CLSPN: variants seen among roughly 807,000 people sequenced by gnomAD.
The protein encoded by CLSPN is claspin homolog.
In CLSPN, 85 loss-of-function variants were observed where a neutral mutation model predicts 156.3. The observed-to-expected ratio is 0.54, with a 90% CI of 0.46 to 0.65. The LOEUF is 0.65. Ranked by LOEUF, CLSPN falls within the 30% of genes least tolerant of loss-of-function variation. The pLI is 0.00. For missense variants in CLSPN, 1,407 were observed against 1,554.9 expected, an observed-to-expected ratio of 0.90 and a Z score of 1.60; for synonymous variants, 534 against 542.4, an observed-to-expected ratio of 0.98 and a Z score of 0.22.
At chr1:35,763,134 T>C in intron 4 of CLSPN, 26 bp downstream of exon 4, 1 of 1,518,474 alleles carries the variant, frequency 6.6e-7, no homozygotes, top group Non-Finnish European at 8.8e-7. Context: ...GTTGATTAAC[T>C]CTTATTGCAA....
chr1:35,722,237 A>G (rs894172877), intron 24 of CLSPN, among the ~76,000 whole-genome samples: 1 of 150,780 alleles, frequency 6.6e-6, no homozygotes, highest in Non-Finnish European at 1.5e-5. Context: ...CCATTGTTCT[A>G]AAAAGCTAGT....
intron 24 of CLSPN, among the ~76,000 whole-genome samples, chr1:35,723,695 A>G: frequency 6.6e-6 from 1 of 152,272 alleles, no homozygotes; most frequent in African/African-American, 2.4e-5. Context: ...CCTTGTTTAG[A>G]AAGGGAAACA....
chr1:35,723,757 G>A (rs751100260), intron 24 of CLSPN, among the ~76,000 whole-genome samples: 4 of 152,182 alleles, frequency 2.6e-5, no homozygotes, highest in Admixed American at 6.5e-5. Context: ...TTGGGAGGCC[G>A]AAGCGGACAG....
At chr1:35,737,806 C>G in intron 22 of CLSPN, 186 bp downstream of exon 22, 1 of 436,264 alleles carries the variant, frequency 2.3e-6, no homozygotes, top group Non-Finnish European at 4.1e-6. Context: ...TGAATACAGT[C>G]TCTACTGCCC....
In CLSPN at chr1:35,735,365, A is replaced by G; in HGVS notation, c.*1131T>C. The G allele has an allele frequency of 1.0e-6, 1 of 985,456 alleles. No individual in the cohort carries two copies. The highest frequency in any genetic ancestry group is 1.2e-6 in the Non-Finnish European group (1 of 829,924). 61.0% of individuals were successfully genotyped at this position (985,456 alleles called of 1,614,324 possible). ...AGCATACAGGAAAATGAAAGGGGTAAGAGTAATACAGCAGCCCATCTGTTG... is the reference window on the plus strand; with the variant it reads ...AGCATACAGGAAAATGAAAGGGGTAGGAGTAATACAGCAGCCCATCTGTTG... On this transcript the variant is annotated 3_prime_UTR_variant, in exon 25 of 25. Transcript: ENST00000318121.
At chr1:35,752,439 A>G (rs569965081) in intron 9 of CLSPN, among the ~76,000 whole-genome samples, 1 of 152,232 alleles carries the variant, frequency 6.6e-6, no homozygotes, top group Admixed American at 6.5e-5. Context: ...TTAGCCAGGC[A>G]TGGTGGCAGG....
rs1641557837 is a variant in CLSPN, at chr1:35,738,439, G to A, written c.3558+16C>T. The A allele has an allele frequency of 6.2e-7, 1 of 1,613,058 alleles. No individual in the cohort carries two copies. Among genetic ancestry groups the A allele is most frequent in the Non-Finnish European group, 8.5e-7 (1 of 1,179,380 alleles). ...GACAGTCTCATAAACTAGGGTCAGA[G>A]TAGGTGAACTCCTACCATGTCCCGA... is the stretch of plus-strand genomic sequence containing the variant. On this transcript the variant is annotated intron_variant, in intron 21 of 24. Coordinates refer to ENST00000318121, the MANE Select transcript of CLSPN (RefSeq NM_022111.4).
chr1:35,757,193 A>G (rs988564225), intron 8 of CLSPN, among the ~76,000 whole-genome samples: 3 of 152,084 alleles, frequency 2.0e-5, no homozygotes, highest in Non-Finnish European at 4.4e-5. Flanking sequence ...TGCACCCTCA[A>G]TTATATACCT....
chr1:35,752,246 T>C (rs1308820161), intron 9 of CLSPN, among the ~76,000 whole-genome samples: 1 of 152,088 alleles, frequency 6.6e-6, no homozygotes, highest in African/African-American at 2.4e-5. Flanking sequence ...TAATGAGTCA[T>C]GTTGTATTCA....
At chr1:35,769,163 AAT>A (rs1245996780) in intron 1 of CLSPN, among the ~76,000 whole-genome samples, 3 of 152,226 alleles carry the variant, frequency 2.0e-5, no homozygotes, top group Non-Finnish European at 4.4e-5. Flanking sequence ...ATTGCATTAA[AAT>A]ATGAGTTTGA....
At chr1:35,738,121 T>A (rs199569493) in intron 21 of CLSPN, 24 bp from the exon 22 acceptor site, 296,141 of 430,198 alleles carry the variant, frequency 0.69, 99,559 homozygotes, top group Non-Finnish European at 0.75. Context: ...AAAATATATA[T>A]ATATATATAT....
chr1:35,734,774 T>C lies in CLSPN; in HGVS notation c.*1722A>G. ...AACCTAATTGCATCAATTAAATTGG[T>C]GTTCCCATCTCCCAGTAAAAAACTG... is the stretch of plus-strand genomic sequence containing the variant. On this transcript the variant is annotated 3_prime_UTR_variant, in exon 25 of 25. Coordinates refer to ENST00000318121, the MANE Select transcript of CLSPN (RefSeq NM_022111.4). 2 of 984,466 alleles carry C rather than the reference T, an allele frequency of 2.0e-6. No individual in the cohort carries two copies. Among genetic ancestry groups the C allele is most frequent in the Non-Finnish European group, 2.4e-6 (2 of 829,476 alleles). The allele number at this position is 984,466 out of a possible 1,614,324, so 61.0% of individuals were successfully genotyped here.
chr1:35,742,955 G>T (rs959592025), intron 18 of CLSPN, among the ~76,000 whole-genome samples, 186 bp downstream of exon 18: 1 of 151,942 alleles, frequency 6.6e-6, no homozygotes, highest in Non-Finnish European at 1.5e-5. Flanking sequence ...CACCATGTTT[G>T]TCAGGATGGT....
At position 35,749,569 on chromosome 1, in the gene CLSPN, C is replaced by T. The variant is rs1172764501; in HGVS notation, c.2208-38G>A. ...AAAGTAAATTGGTTCAGTATCTGTTCCTAGTTTTTACAGGAGGGGCAAATC... is the reference window on the plus strand; with the variant it reads ...AAAGTAAATTGGTTCAGTATCTGTTTCTAGTTTTTACAGGAGGGGCAAATC... On this transcript the variant is annotated intron_variant, in intron 11 of 24. Transcript: ENST00000318121. The T allele has an allele frequency of 6.2e-6, 10 of 1,613,658 alleles. No individual in the cohort carries two copies. The East Asian group carries it at 2.0e-4, about 32-fold the overall frequency.
downstream of CLSPN, among the ~76,000 whole-genome samples, chr1:35,729,859 C>T (rs909655163): frequency 1.3e-5 from 2 of 152,168 alleles, no homozygotes; most frequent in South Asian, 4.1e-4. Flanking sequence ...TTGATCCTAA[C>T]CATACCCTGT....
In CLSPN at chr1:35,761,211, A is replaced by G. The variant is rs751681141; in HGVS notation, c.896-7T>C. 6.5e-7 allele frequency: 1 copy of G among 1,533,834 alleles called. No individual in the cohort carries two copies. Among genetic ancestry groups the G allele is most frequent in the South Asian group, 1.1e-5 (1 of 88,836 alleles). On this transcript the variant is annotated splice_region_variant and splice_polypyrimidine_tract_variant and intron_variant, in intron 6 of 24. Transcript: ENST00000318121. ...GGAAGGTTCAGTGCAGACTCTATAA[A>G]ATGGAATAAAACAAGCAAATATATA... is the stretch of plus-strand genomic sequence containing the variant.
chr1:35,738,887 G>A (rs934013873), intron 20 of CLSPN, among the ~76,000 whole-genome samples: 1 of 146,922 alleles, frequency 6.8e-6, no homozygotes, highest in Non-Finnish European at 1.5e-5. Flanking sequence ...TGCAACCTCC[G>A]TCTCCCGGGT....
At chr1:35,767,360 TATG>T (rs1425514807) in intron 1 of CLSPN, among the ~76,000 whole-genome samples, 1 of 152,184 alleles carries the variant, frequency 6.6e-6, no homozygotes, top group Non-Finnish European at 1.5e-5. Flanking sequence ...GTTCAAATAA[TATG>T]ATATCTTGGA....
intron 24 of CLSPN, among the ~76,000 whole-genome samples, chr1:35,726,681 G>A (rs1641199418): frequency 1.3e-5 from 2 of 152,168 alleles, no homozygotes; most frequent in Admixed American, 1.3e-4. Context: ...TGGGCCTACT[G>A]GCCCCAAGCT....
Sources: allele counts gnomAD v4.1 joint callset (sites outside exome capture counted in the v4.1 genomes callset), GRCh38; gene constraint gnomAD v4.1.1; transcripts MANE v1.5; gene names NCBI Gene and HGNC (gene_info 2026-07-23, HGNC 2026-07-21).